Variants in MRTFA observed in about 807,000 individuals in gnomAD.
MRTFA encodes myocardin related transcription factor A, also known as myocardin-related transcription factor A.
In MRTFA, 20 loss-of-function variants were observed where a neutral mutation model predicts 83.5. The ratio of observed to expected loss-of-function variants is 0.24; its 90% CI spans 0.17 to 0.35. The LOEUF is 0.35. MRTFA is among the 10% of genes least tolerant of loss of function. The pLI is 1.00. For synonymous variants in MRTFA, 659 were observed against 541.2 expected, an observed-to-expected ratio of 1.22 and a Z score of -3.02; for missense variants, 1,200 against 1,224.7, an observed-to-expected ratio of 0.98 and a Z score of 0.30.
chr22:40,418,947 G>A lies in MRTFA; in HGVS notation c.1791C>T (p.Leu597=), dbSNP rs746901961. The A allele has an allele frequency of 1.4e-5, 23 of 1,612,744 alleles. No homozygotes were observed. Among genetic ancestry groups the A allele is most frequent in the Admixed American group, 6.7e-5 (4 of 59,984 alleles). ...CGGCCCGGGGGCCCTCCTCCTTCAC[G>A]AGGATCTGCAGTGGCGAGGCCTGCA... The change falls in exon 12 of 15, where the codon CTC becomes CTT. Residue 597 remains leucine (L), a synonymous_variant. Coordinates refer to ENST00000355630, the MANE Select transcript of MRTFA (RefSeq NM_020831.6).
rs375012458 is a variant in MRTFA at position 40,532,543 on chromosome 22, G to A, written c.241+19563C>T. ...CACATAGCCTATATGCATAAAAAAT[G>A]ACTCATTATGGTCATATTAGTAAAA... On this transcript the variant is annotated intron_variant, in intron 3 of 14. Coordinates refer to ENST00000355630, the MANE Select transcript of MRTFA (RefSeq NM_020831.6). Among the ~76,000 whole-genome samples, 115 of 152,314 alleles carry A rather than the reference G, an allele frequency of 7.6e-4. 1 individual carries two copies. In the South Asian group the frequency reaches 0.022, roughly 29 times the overall value.
chr22:40,519,174 T>TA lies in MRTFA; in HGVS notation c.241+32931dup, dbSNP rs370213440. Among the ~76,000 whole-genome samples, 671 of 152,086 alleles carry TA rather than the reference T, an allele frequency of 4.4e-3. 6 individuals carry two copies. Among genetic ancestry groups the TA allele is most frequent in the African/African-American group, 0.016 (646 of 41,498 alleles). On this transcript the variant is annotated intron_variant, in intron 3 of 14. Coordinates refer to ENST00000355630, the MANE Select transcript of MRTFA (RefSeq NM_020831.6). ...TCTAATCTGTGCTTAAGGGAAACAATAAAAAAGATGTGTCCACCTGTGAGG... is the reference window on the plus strand; with the variant it reads ...TCTAATCTGTGCTTAAGGGAAACAATAAAAAAAGATGTGTCCACCTGTGAGG...
intron 3 of MRTFA, among the ~76,000 whole-genome samples, chr22:40,503,928 A>G (rs1447447175): frequency 6.6e-6 from 1 of 152,030 alleles, no homozygotes; most frequent in Non-Finnish European, 1.5e-5. Context: ...TCAAGTTTAA[A>G]AAAAAAAAAA....
chr22:40,521,165 A>G (rs8135310), intron 3 of MRTFA, among the ~76,000 whole-genome samples: 2,533 of 152,256 alleles, frequency 0.017, 73 homozygotes, highest in African/African-American at 0.058. Flanking sequence ...ACAGTACAAT[A>G]TTACAACCAG....
At chr22:40,628,759 C>A (rs1289714261) in intron 1 of MRTFA, among the ~76,000 whole-genome samples, 1 of 152,194 alleles carries the variant, frequency 6.6e-6, no homozygotes, top group African/African-American at 2.4e-5. Flanking sequence ...GAGGAACTGG[C>A]CTGGGCTCAG....
Position 40,420,649 on chromosome 22 carries a change from G to A in MRTFA, c.1182-73C>T, listed in dbSNP as rs1178482143. On this transcript the variant is annotated intron_variant, in intron 10 of 14. Transcript: ENST00000355630. ...CTCTGCAGGTGGCAGCCCAAGCCTG[G>A]GCAGCAGGATTGGGTACAGATGGGC... 1.9e-6 allele frequency: 3 copies of A among 1,574,338 alleles called. No homozygotes were observed. In the African/African-American group the frequency reaches 4.0e-5, roughly 21 times the overall value.
At chr22:40,606,388 T>C (rs1344254484) in intron 1 of MRTFA, among the ~76,000 whole-genome samples, 3 of 152,216 alleles carry the variant, frequency 2.0e-5, no homozygotes, top group African/African-American at 7.2e-5. Flanking sequence ...AAACAATGCC[T>C]ACATCTGTTA....
At chr22:40,424,168 C>A (rs201327559) in intron 8 of MRTFA, 38 bp downstream of exon 8, 1 of 1,563,640 alleles carries the variant, frequency 6.4e-7, no homozygotes, top group East Asian at 2.3e-5. Flanking sequence ...AGCCCTAGCA[C>A]CTTGGAGCTG....
At chr22:40,452,150 A>AT (rs2053504744) in intron 4 of MRTFA, among the ~76,000 whole-genome samples, 1 of 151,738 alleles carries the variant, frequency 6.6e-6, no homozygotes. Flanking sequence ...CACCCAGCTA[A>AT]TTTTTTGTAT....
intron 3 of MRTFA, chr22:40,521,738 T>A (rs564847156): frequency 6.6e-6 from 1 of 152,270 alleles, no homozygotes; most frequent in African/African-American, 2.4e-5. Context: ...TCGCAAGCGA[T>A]CCACCCACCT....
At chr22:40,553,727 G>C (rs748844624) in intron 2 of MRTFA, among the ~76,000 whole-genome samples, 2 of 152,198 alleles carry the variant, frequency 1.3e-5, no homozygotes, top group Non-Finnish European at 2.9e-5. Flanking sequence ...CGCCCACACA[G>C]AGTCCTCACT....
At chr22:40,631,966 C>A (rs1330763585) in intron 1 of MRTFA, among the ~76,000 whole-genome samples, 1 of 152,214 alleles carries the variant, frequency 6.6e-6, no homozygotes, top group Admixed American at 6.5e-5. Flanking sequence ...ATGACCCTCA[C>A]CTCCTGCCAT....
chr22:40,621,797 G>T (rs988224682), intron 1 of MRTFA, among the ~76,000 whole-genome samples: 2 of 152,144 alleles, frequency 1.3e-5, no homozygotes, highest in African/African-American at 4.8e-5. Flanking sequence ...AATTTTCCCT[G>T]CTGGATTTTG....
intron 3 of MRTFA, among the ~76,000 whole-genome samples, chr22:40,542,027 G>A (rs899157945): frequency 2.7e-5 from 4 of 148,104 alleles, no homozygotes; most frequent in East Asian, 2.1e-4. Flanking sequence ...TTTTAAGACA[G>A]GGTCTCACTC....
At chr22:40,526,381 A>G (rs1424257723) in intron 3 of MRTFA, 1 of 152,226 alleles carries the variant, frequency 6.6e-6, no homozygotes, top group Non-Finnish European at 1.5e-5. Flanking sequence ...GGAACAAGCC[A>G]TGAGGCTACT....
chr22:40,586,148 T>A (rs969491186), intron 2 of MRTFA, among the ~76,000 whole-genome samples: 6 of 151,030 alleles, frequency 4.0e-5, no homozygotes, highest in Non-Finnish European at 7.4e-5. Flanking sequence ...AGAGTAATTA[T>A]TTTTTTTTAT....
At chr22:40,512,061 G>A (rs1004058742) in intron 3 of MRTFA, among the ~76,000 whole-genome samples, 1 of 152,062 alleles carries the variant, frequency 6.6e-6, no homozygotes, top group African/African-American at 2.4e-5. Flanking sequence ...CACTATATAG[G>A]GTGACTAGTA....
intron 3 of MRTFA, among the ~76,000 whole-genome samples, chr22:40,517,848 A>C (rs2147252751): frequency 6.6e-6 from 1 of 152,198 alleles, no homozygotes; most frequent in South Asian, 2.1e-4. Context: ...GAGGATTAGA[A>C]CTTGCAGCCC....
chr22:40,516,293 C>A (rs571737166), intron 3 of MRTFA, among the ~76,000 whole-genome samples: 1 of 151,710 alleles, frequency 6.6e-6, no homozygotes, highest in South Asian at 2.1e-4. Context: ...GTGGCAGGTG[C>A]CTTGTAGTCG....
Sources: gnomAD v4.1 joint callset for allele counts (sites outside exome capture counted in the v4.1 genomes callset) on GRCh38, gnomAD v4.1.1 for gene constraint, MANE v1.5 for transcripts, NCBI Gene and HGNC (gene_info 2026-07-23, HGNC 2026-07-21) for gene names.